MS4A6E: variants seen among roughly 807,000 people sequenced by gnomAD.
The protein encoded by MS4A6E is membrane spanning 4-domains A6E, also known as membrane-spanning 4-domains subfamily A member 6E.
Under a neutral mutation model 13.2 loss-of-function variants are expected in MS4A6E, and 8 were observed. The observed-to-expected ratio is 0.60, with a 90% CI of 0.35 to 1.09. The LOEUF (loss-of-function observed/expected upper bound fraction) is 1.09. Ranked by LOEUF, MS4A6E falls within the 50% of genes least tolerant of loss-of-function variation. The probability of loss-of-function intolerance (pLI) is 0.02; values close to 1 mark genes in which losing one functional copy is unlikely to be tolerated. For synonymous variants in MS4A6E, 72 were observed against 67.6 expected (o/e 1.06, Z -0.32); for missense variants, 177 against 171.1 (o/e 1.03, Z -0.19).
At chr11:60,333,107 G>A (rs1233203523) in intron 1 of MS4A6E, among the ~76,000 whole-genome samples, 4 of 152,182 alleles carry the variant, frequency 2.6e-5, no homozygotes. Flanking sequence ...CTGAACATTA[G>A]CCCTTCCTTC....
At chr11:60,338,137 T>C (rs1326784791) in intron 3 of MS4A6E, among the ~76,000 whole-genome samples, 190 bp downstream of exon 3, 3 of 152,188 alleles carry the variant, frequency 2.0e-5, no homozygotes, top group Non-Finnish European at 4.4e-5. Flanking sequence ...CAGAGTGGAA[T>C]TGAAATGTCA....
At chr11:60,335,347 G>C (rs546589577) in intron 2 of MS4A6E, among the ~76,000 whole-genome samples, 140 of 152,068 alleles carry the variant, frequency 9.2e-4, no homozygotes, top group African/African-American at 3.2e-3. Flanking sequence ...ATGACATATT[G>C]TATATACATT....
chr11:60,335,411 A>C, intron 2 of MS4A6E: 1 of 373,698 alleles, frequency 2.7e-6, no homozygotes, highest in South Asian at 2.1e-5. Flanking sequence ...CTTTGCAAGG[A>C]ATTTTTCCCT....
chr11:60,337,824 A>T lies in MS4A6E; in HGVS notation c.231A>T (p.Ala77=), dbSNP rs763522336. ...TTCTCCTGTCTGTCAACCCGGCTGC[A>T]TTAAATCCTGCCTCATTGCAGTGTA... The part of the protein sequence containing the change: ...GFILLSVNPA[A]LNPASLQCKL... Residue 77 remains alanine, a synonymous_variant, in exon 3 of 5, where the codon GCA becomes GCT. Coordinates refer to ENST00000684409, the MANE Select transcript of MS4A6E (RefSeq NM_139249.4). 1 of 1,614,194 alleles carries T rather than the reference A, an allele frequency of 6.2e-7. No individual in the cohort carries two copies. The highest frequency in any genetic ancestry group is 1.1e-5 in the South Asian group (1 of 91,078).
Position 60,337,074 on chromosome 11 carries a change from G to A in MS4A6E, c.148-667G>A, listed in dbSNP as rs143473379. On this transcript the variant is annotated intron_variant, in intron 2 of 4. Transcript: ENST00000684409. The stretch of plus-strand genomic sequence containing the variant: ...CACACATTACACCATCCTTGGGCCC[G>A]CACCTAGACCTCTGCCCACAGCCAC... 1.3e-3 allele frequency among the ~76,000 whole-genome samples: 204 copies of A among 152,116 alleles called. 2 individuals carry two copies. Among genetic ancestry groups the A allele is most frequent in the African/African-American group, 4.7e-3 (195 of 41,506 alleles).
Position 60,334,984 on chromosome 11 carries a change from C to A in MS4A6E, c.89C>A (p.Thr30Asn), listed in dbSNP as rs367714148. The change falls in exon 2 of 5, where the codon ACC becomes AAC. Residue 30 changes from threonine (T) to asparagine (N), a missense_variant. Coordinates refer to ENST00000684409, the MANE Select transcript of MS4A6E (RefSeq NM_139249.4). ...TCCCAAGCAGAGAAACCCGAACCCA[C>A]CAACCAGGGGCAGGATAGCCTGAAG... ...NFSQAEKPEPTNQGQDSLKKR... is the reference protein window; with the variant it reads ...NFSQAEKPEPNNQGQDSLKKR... 24 of 1,614,032 alleles carry A rather than the reference C, an allele frequency of 1.5e-5. No individual in the cohort carries two copies. The highest frequency in any genetic ancestry group is 2.0e-5 in the Non-Finnish European group (24 of 1,180,036).
In MS4A6E at chr11:60,339,972, T is replaced by A; in HGVS notation, c.*9+8T>A. 6.2e-7 allele frequency: 1 copy of A among 1,612,880 alleles called. No individual in the cohort carries two copies. The highest frequency in any genetic ancestry group is 8.5e-7 in the Non-Finnish European group (1 of 1,179,076). On this transcript the variant is annotated splice_region_variant and intron_variant, in intron 4 of 4. Transcript: ENST00000684409. ...ACTGTCTGACTTCCCTGGGTGAGTG[T>A]GCTGGCCAGCCTCGCTTAATCTTGC...
At chr11:60,330,008 G>A (rs1339315008) in intron 1 of MS4A6E, among the ~76,000 whole-genome samples, 1 of 147,442 alleles carries the variant, frequency 6.8e-6, no homozygotes, top group African/African-American at 2.5e-5. Context: ...TGTATTTTTA[G>A]TAGAGATGGG....
At position 60,327,330 on chromosome 11, in the gene MS4A6E, T is replaced by C. The variant is rs1475305671; in HGVS notation, c.-93T>C. Among the ~76,000 whole-genome samples the C allele has an allele frequency of 6.6e-6, 1 of 152,176 alleles. No homozygotes were observed. The highest frequency in any genetic ancestry group is 1.5e-5 in the Non-Finnish European group (1 of 68,036). On this transcript the variant is annotated 5_prime_UTR_variant, in exon 1 of 5. Coordinates refer to ENST00000684409, the MANE Select transcript of MS4A6E (RefSeq NM_139249.4). ...TGGAAGATGCAGCAACAAGATACCA[T>C]CTTGGAAGCAAGCAACGTGACCCTA... is the stretch of plus-strand genomic sequence containing the variant.
chr11:60,345,084 G>C (rs147799316), downstream of MS4A6E, among the ~76,000 whole-genome samples: 2 of 151,864 alleles, frequency 1.3e-5, no homozygotes, highest in African/African-American at 4.8e-5. Flanking sequence ...ACAGGTGTGC[G>C]CCACCACACC....
intron 1 of MS4A6E, among the ~76,000 whole-genome samples, chr11:60,330,732 T>C (rs6650187): frequency 0.28 from 42,963 of 152,104 alleles, 6,302 homozygotes; most frequent in African/African-American, 0.34. Context: ...TTTTCTTCTA[T>C]GGTTTTTATG....
At chr11:60,333,969 T>G (rs1356452340) in intron 1 of MS4A6E, among the ~76,000 whole-genome samples, 1 of 152,172 alleles carries the variant, frequency 6.6e-6, no homozygotes, top group Non-Finnish European at 1.5e-5. Flanking sequence ...ATTTTACTCG[T>G]CCTGGCCTCT....
Position 60,336,635 on chromosome 11 carries a change from C to A in MS4A6E, c.148-1106C>A, listed in dbSNP as rs920607746. ...GAAATATAGACTCTAGGCATCAAGA[C>A]TACTACTGGCTACTAGGAGGCCCAG... On this transcript the variant is annotated intron_variant, in intron 2 of 4. Transcript: ENST00000684409. Among the ~76,000 whole-genome samples the A allele has an allele frequency of 9.7e-4, 148 of 152,242 alleles. 1 individual carries two copies. Among genetic ancestry groups the A allele is most frequent in the African/African-American group, 3.5e-3 (146 of 41,546 alleles).
chr11:60,335,637 T>C (rs1565156159), intron 2 of MS4A6E: 3 of 450,766 alleles, frequency 6.7e-6, no homozygotes, highest in Non-Finnish European at 1.3e-5. Flanking sequence ...CCTCTGCACT[T>C]ATGTGATCTG....
At position 60,333,709 on chromosome 11, in the gene MS4A6E, G is replaced by C. The variant is rs573284433; in HGVS notation, c.-14-1173G>C. On this transcript the variant is annotated intron_variant, in intron 1 of 4. Transcript: ENST00000684409. ...TTAAGGCCTTCTTATTCTCTAAGGA[G>C]GGATCCCTAGAACTAGAAATGCCAG... 4.6e-5 allele frequency among the ~76,000 whole-genome samples: 7 copies of C among 152,240 alleles called. No homozygotes were observed. The South Asian group carries it at 1.5e-3, about 32-fold the overall frequency.
At chr11:60,340,236 G>C (rs1013498941) in intron 4 of MS4A6E, among the ~76,000 whole-genome samples, 1 of 152,196 alleles carries the variant, frequency 6.6e-6, no homozygotes, top group Non-Finnish European at 1.5e-5. Context: ...ATGAGACTCT[G>C]GGAAGTTAAA....
chr11:60,331,405 A>T (rs1002594668), intron 1 of MS4A6E, among the ~76,000 whole-genome samples: 3 of 152,118 alleles, frequency 2.0e-5, no homozygotes, highest in Non-Finnish European at 2.9e-5. Context: ...GTCTTTCATA[A>T]TCTACTCATA....
rs139539940 is a variant in MS4A6E at position 60,339,986 on chromosome 11, G to A, written c.*9+22G>A. 2.5e-4 allele frequency: 404 copies of A among 1,610,302 alleles called. 1 individual carries two copies. Among genetic ancestry groups the A allele is most frequent in the East Asian group, 1.7e-3 (75 of 44,778 alleles). On this transcript the variant is annotated intron_variant, in intron 4 of 4. Coordinates refer to ENST00000684409, the MANE Select transcript of MS4A6E (RefSeq NM_139249.4). ...CTGGGTGAGTGTGCTGGCCAGCCTCGCTTAATCTTGCCTAGTGTATCTTAT... is the reference window on the plus strand; with the variant it reads ...CTGGGTGAGTGTGCTGGCCAGCCTCACTTAATCTTGCCTAGTGTATCTTAT...
chr11:60,334,293 A>G (rs1295914016), intron 1 of MS4A6E, among the ~76,000 whole-genome samples: 2 of 152,122 alleles, frequency 1.3e-5, no homozygotes, highest in Non-Finnish European at 2.9e-5. Context: ...GAAATTACAC[A>G]CACAAGCCCA....
Sources: allele counts gnomAD v4.1 joint callset (sites outside exome capture counted in the v4.1 genomes callset), GRCh38; gene constraint gnomAD v4.1.1; transcripts MANE v1.5; gene names NCBI Gene and HGNC (gene_info 2026-07-23, HGNC 2026-07-21).